RAPGEF5: variants seen among roughly 807,000 people sequenced by gnomAD.
RAPGEF5 encodes the protein Rap guanine nucleotide exchange factor 5.
RAPGEF5 carries 65 observed loss-of-function variants against 125.2 expected under a neutral mutation model. That is an observed-to-expected ratio of 0.52 (90% CI 0.43 to 0.64). The LOEUF (loss-of-function observed/expected upper bound fraction) is 0.64, where lower values mean the gene tolerates loss of function less well. Ranked by LOEUF, RAPGEF5 falls within the 30% of genes least tolerant of loss-of-function variation. The pLI is 0.00. For synonymous variants in RAPGEF5, 391 were observed against 385.9 expected (o/e 1.01, Z -0.16); for missense variants, 958 against 1,048.1 (o/e 0.91, Z 1.19).
intron 9 of RAPGEF5, among the ~76,000 whole-genome samples, chr7:22,213,640 A>G (rs567982672): frequency 6.6e-6 from 1 of 152,302 alleles, no homozygotes; most frequent in East Asian, 1.9e-4. Flanking sequence ...ATCCAACACA[A>G]AGTCAGGATT....
intron 9 of RAPGEF5, among the ~76,000 whole-genome samples, chr7:22,211,979 T>C (rs1303021487): frequency 7.3e-6 from 1 of 136,612 alleles, no homozygotes; most frequent in African/African-American, 2.7e-5. Context: ...TTTTTTTTTT[T>C]TTTTTTAGAC....
At chr7:22,263,722 T>A (rs1239370752) in intron 7 of RAPGEF5, among the ~76,000 whole-genome samples, 25 of 144,674 alleles carry the variant, frequency 1.7e-4, no homozygotes, top group Admixed American at 1.4e-3. Flanking sequence ...AGAGCGAGAC[T>A]CCATCTCAAA....
At chr7:22,190,116 C>A (rs1784946495) in intron 11 of RAPGEF5, among the ~76,000 whole-genome samples, 1 of 152,106 alleles carries the variant, frequency 6.6e-6, no homozygotes, top group African/African-American at 2.4e-5. Context: ...TCTGTCCCTA[C>A]CAAAAATACA....
chr7:22,357,051 C>T lies in RAPGEF5; in HGVS notation c.10G>A (p.Ala4Thr), dbSNP rs1219615426. Reference protein sequence around the residue: MRMAVGSVKMQPPC... With the variant: MRMTVGSVKMQPPC... ...GGCTGCATCTTGACGGAGCCCACGG[C>T]CATCCTCATGCCCTGACGGCGCTGC... Residue 4 changes from alanine (A) to threonine (T), a missense_variant, in exon 1 of 26, where the codon GCC (alanine) becomes ACC (threonine). Transcript: ENST00000665637. 2 of 1,039,386 alleles carry T rather than the reference C, an allele frequency of 1.9e-6. No individual in the cohort carries two copies. The highest frequency in any genetic ancestry group is 2.3e-6 in the Non-Finnish European group (2 of 866,422). 64.4% of individuals were successfully genotyped at this position (1,039,386 alleles called of 1,614,324 possible). A position where few individuals can be genotyped will look rare whatever the true frequency, so the allele number is the denominator to read the frequency against.
intron 16 of RAPGEF5, among the ~76,000 whole-genome samples, chr7:22,155,983 C>G (rs1274780023): frequency 1.3e-5 from 2 of 152,192 alleles, no homozygotes; most frequent in Admixed American, 6.5e-5. Flanking sequence ...ATTTTATTTT[C>G]TCTTTCACTT....
chr7:22,198,994 G>A (rs1186140801), intron 9 of RAPGEF5, among the ~76,000 whole-genome samples: 2 of 152,212 alleles, frequency 1.3e-5, no homozygotes, highest in East Asian at 1.9e-4. Context: ...CTAGATGACA[G>A]CTATCAAAGG....
At chr7:22,311,902 T>C (rs927922066) in intron 3 of RAPGEF5, among the ~76,000 whole-genome samples, 1 of 152,264 alleles carries the variant, frequency 6.6e-6, no homozygotes, top group Non-Finnish European at 1.5e-5. Flanking sequence ...AAAGCACTTT[T>C]ATCTCATGGA....
intron 12 of RAPGEF5, among the ~76,000 whole-genome samples, chr7:22,163,887 T>C (rs867038371): frequency 1.3e-5 from 2 of 152,262 alleles, no homozygotes; most frequent in Admixed American, 6.5e-5. Context: ...GCTTTGCTAA[T>C]ATTTTAAAAT....
At chr7:22,256,862 C>T (rs1053683199) in intron 7 of RAPGEF5, among the ~76,000 whole-genome samples, 1 of 152,210 alleles carries the variant, frequency 6.6e-6, no homozygotes, top group Admixed American at 6.5e-5. Context: ...TTCTGCAAAT[C>T]TTATGAAGCC....
At chr7:22,305,454 G>A (rs117605720) in intron 5 of RAPGEF5, among the ~76,000 whole-genome samples, 6,686 of 151,696 alleles carry the variant, frequency 0.044, 207 homozygotes, top group Middle Eastern at 0.099. Context: ...ATATATTTAC[G>A]GGGTACATGA....
intron 11 of RAPGEF5, among the ~76,000 whole-genome samples, chr7:22,186,150 C>T (rs1338217244): frequency 6.6e-6 from 1 of 152,098 alleles, no homozygotes; most frequent in Non-Finnish European, 1.5e-5. Flanking sequence ...AAGTAGCAGC[C>T]CAGTCCAGTT....
At chr7:22,260,597 A>G (rs964281370) in intron 7 of RAPGEF5, among the ~76,000 whole-genome samples, 2 of 151,970 alleles carry the variant, frequency 1.3e-5, no homozygotes, top group African/African-American at 4.8e-5. Flanking sequence ...ACTACAAGGT[A>G]CCTAAAAATA....
chr7:22,158,770 C>T (rs890280184), intron 14 of RAPGEF5, among the ~76,000 whole-genome samples: 11 of 152,014 alleles, frequency 7.2e-5, no homozygotes, highest in Admixed American at 1.3e-4. Context: ...GAACTACAGG[C>T]ATGTGACACC....
intron 21 of RAPGEF5, chr7:22,139,702 T>TA (rs1783194852): frequency 4.8e-6 from 1 of 207,210 alleles, no homozygotes; most frequent in Admixed American, 5.3e-5. Flanking sequence ...CCTCGAAGCT[T>TA]AAACTCATTA....
intron 6 of RAPGEF5, among the ~76,000 whole-genome samples, chr7:22,277,576 G>A (rs900303103): frequency 2.6e-5 from 4 of 152,202 alleles, no homozygotes; most frequent in Non-Finnish European, 4.4e-5. Context: ...GAAGCTCTAG[G>A]GGAGCATGTT....
intron 1 of RAPGEF5, among the ~76,000 whole-genome samples, chr7:22,324,963 A>G (rs76176703): frequency 0.066 from 10,023 of 152,232 alleles, 461 homozygotes; most frequent in South Asian, 0.16. Flanking sequence ...TTCTCTACAG[A>G]CACTCTGCTT....
chr7:22,184,804 G>T (rs1784780193), intron 11 of RAPGEF5, among the ~76,000 whole-genome samples: 1 of 152,140 alleles, frequency 6.6e-6, no homozygotes, highest in Non-Finnish European at 1.5e-5. Context: ...GTTCAAAGGT[G>T]GTGAGAATAG....
chr7:22,264,226 A>G (rs113726752), intron 7 of RAPGEF5, among the ~76,000 whole-genome samples: 121 of 152,324 alleles, frequency 7.9e-4, no homozygotes, highest in African/African-American at 2.8e-3. Context: ...ACCTCCAGTC[A>G]TATAAACCTA....
intron 8 of RAPGEF5, among the ~76,000 whole-genome samples, chr7:22,222,413 T>C (rs1039003204): frequency 6.6e-6 from 1 of 152,182 alleles, no homozygotes; most frequent in Non-Finnish European, 1.5e-5. Flanking sequence ...AAGGGTTTTC[T>C]AGTAAAATGA....
Sources: gnomAD v4.1 joint callset for allele counts (sites outside exome capture counted in the v4.1 genomes callset) on GRCh38, gnomAD v4.1.1 for gene constraint, MANE v1.5 for transcripts, NCBI Gene and HGNC (gene_info 2026-07-23, HGNC 2026-07-21) for gene names.